The following SCPEP1 variants were observed in gnomAD, a reference collection of about 807,000 sequenced individuals.
The protein encoded by SCPEP1 is retinoid-inducible serine carboxypeptidase.
Under a neutral mutation model 63.8 loss-of-function variants are expected in SCPEP1, and 51 were observed. That is an observed-to-expected ratio of 0.80 (90% confidence interval 0.64 to 1.01). The LOEUF (loss-of-function observed/expected upper bound fraction) is 1.01. Among genes scored for constraint, SCPEP1 ranks in the 50% least tolerant of loss-of-function variants. The probability of loss-of-function intolerance (pLI) is 0.00; values close to 1 mark genes in which losing one functional copy is unlikely to be tolerated. For synonymous variants in SCPEP1, 204 were observed against 207.8 expected (o/e 0.98, Z 0.16); for missense variants, 499 against 554.9 (o/e 0.90, Z 1.01).
In SCPEP1 at chr17:56,998,367, C is replaced by T. The variant is rs775225440; in HGVS notation, c.881-18C>T. On this transcript the variant is annotated intron_variant, in intron 9 of 12. Transcript: ENST00000262288. Reference sequence around the variant, plus strand: ...TACTTCCAGCCCTTTGACTCACTATCTACCAGTTTGGTTTTAGTTTGTCTT... The same window carrying T: ...TACTTCCAGCCCTTTGACTCACTATTTACCAGTTTGGTTTTAGTTTGTCTT... 6.6e-7 allele frequency: 1 copy of T among 1,526,638 alleles called. No individual in the cohort carries two copies. Among genetic ancestry groups the T allele is most frequent in the South Asian group, 1.1e-5 (1 of 89,432 alleles). The allele number at this position is 1,526,638 out of a possible 1,614,324, so 94.6% of individuals were successfully genotyped here.
At chr17:57,001,956 G>A in intron 11 of SCPEP1, 62 bp from the exon 12 acceptor site, 1 of 1,545,760 alleles carries the variant, frequency 6.5e-7, no homozygotes, top group Admixed American at 2.1e-5. Flanking sequence ...TTAGGACCTA[G>A]ACTTTTTTCC....
At chr17:56,992,792 G>A (rs779151146) in intron 6 of SCPEP1, among the ~76,000 whole-genome samples, 2 of 152,136 alleles carry the variant, frequency 1.3e-5, no homozygotes, top group African/African-American at 2.4e-5. Context: ...CAGGCAGCAG[G>A]TACTGGAATC....
At position 56,995,605 on chromosome 17, in the gene SCPEP1, G is replaced by A; in HGVS notation, c.756G>A (p.Leu252=). Residue 252 remains leucine, a synonymous_variant, in exon 8 of 13, where the codon CTG becomes CTA. Transcript: ENST00000262288. ...NKGLYREATE[L]WGKAEMIIEQ... ...GGCTCTACAGAGAGGCCACAGAGCT[G>A]TGGGGGAAAGCAGAAATGATCATTG... The A allele has an allele frequency of 6.2e-7, 1 of 1,614,060 alleles. No individual in the cohort carries two copies. The highest frequency in any genetic ancestry group is 1.3e-5 in the African/African-American group (1 of 75,032).
intron 3 of SCPEP1, 132 bp from the exon 4 acceptor site, chr17:56,987,563 G>A: frequency 1.4e-6 from 1 of 707,838 alleles, no homozygotes; most frequent in Non-Finnish European, 2.1e-6. Context: ...ATCTCTTTTA[G>A]CAACAGGGAT....
At chr17:56,995,658 GGC>G in intron 8 of SCPEP1, 23 bp downstream of exon 8, 1 of 1,611,342 alleles carries the variant, frequency 6.2e-7, no homozygotes, top group Non-Finnish European at 8.5e-7. Flanking sequence ...AACACTCAGA[GGC>G]GAGCCTGCTT....
rs372578237 is a variant in SCPEP1 at position 56,982,215 on chromosome 17, G to A, written c.225+985G>A. Among the ~76,000 whole-genome samples the A allele has an allele frequency of 1.5e-4, 23 of 152,236 alleles. No individual in the cohort carries two copies. In the East Asian group the frequency reaches 3.9e-3, roughly 26 times the overall value. ...CTTGCCTCTGGAAAATGTAGGCATG[G>A]CCCAGCTGGAACCCTGGGCCCCTCA... On this transcript the variant is annotated intron_variant, in intron 2 of 12. Coordinates refer to ENST00000262288, the MANE Select transcript of SCPEP1 (RefSeq NM_021626.3).
chr17:56,981,801 G>A (rs1003016814), intron 2 of SCPEP1, among the ~76,000 whole-genome samples: 1 of 152,158 alleles, frequency 6.6e-6, no homozygotes, highest in Non-Finnish European at 1.5e-5. Flanking sequence ...CAGCCTGGGC[G>A]ACAGAGCAAG....
chr17:56,986,594 A>G (rs1191279312), intron 3 of SCPEP1, among the ~76,000 whole-genome samples: 1 of 148,980 alleles, frequency 6.7e-6, no homozygotes, highest in African/African-American at 2.5e-5. Flanking sequence ...CGCCCAGGCC[A>G]GAGTGCAGTG....
intron 3 of SCPEP1, among the ~76,000 whole-genome samples, chr17:56,985,931 C>T (rs1473153009): frequency 6.6e-6 from 1 of 152,028 alleles, no homozygotes; most frequent in Non-Finnish European, 1.5e-5. Flanking sequence ...CCTTCCCTCA[C>T]CCCTCTGTGG....
chr17:56,988,575 A>G (rs888892607), intron 5 of SCPEP1, among the ~76,000 whole-genome samples: 2 of 152,188 alleles, frequency 1.3e-5, no homozygotes, highest in Middle Eastern at 3.4e-3. Flanking sequence ...AAACACACAC[A>G]CATATATATG....
chr17:57,004,279 G>A (rs1911823710), intron 12 of SCPEP1, among the ~76,000 whole-genome samples: 1 of 152,240 alleles, frequency 6.6e-6, no homozygotes, highest in African/African-American at 2.4e-5. Context: ...GGTCTCAGCT[G>A]CTCTGGAGGC....
Position 56,988,254 on chromosome 17 carries a change from A to C in SCPEP1, c.510A>C (p.Gly170=). Residue 170 remains glycine, a synonymous_variant, in exon 5 of 13, where the codon GGA becomes GGC. Transcript: ENST00000262288. ...ACATTTTCTCAGAGTCCTATGGAGGAAAAATGGCAGCTGGCATTGGTCTAG... is the reference window on the plus strand; with the variant it reads ...ACATTTTCTCAGAGTCCTATGGAGGCAAAATGGCAGCTGGCATTGGTCTAG... ...PFYIFSESYG[G]KMAAGIGLEL... is the part of the protein sequence containing the mutation. 6.2e-7 allele frequency: 1 copy of C among 1,612,374 alleles called. No homozygotes were observed. The highest frequency in any genetic ancestry group is 8.5e-7 in the Non-Finnish European group (1 of 1,178,760).
At chr17:56,999,674 T>G (rs929538350) in intron 10 of SCPEP1, among the ~76,000 whole-genome samples, 1 of 152,116 alleles carries the variant, frequency 6.6e-6, no homozygotes, top group Non-Finnish European at 1.5e-5. Context: ...TGAAGAAAAA[T>G]TAGCTCAAAT....
rs368170950 is a variant in SCPEP1, at chr17:57,001,757, C to T, written c.1133-261C>T. On this transcript the variant is annotated intron_variant, in intron 11 of 12. Coordinates refer to ENST00000262288, the MANE Select transcript of SCPEP1 (RefSeq NM_021626.3). ...AGTTCCCTTCCTAAAGAGCAGATGG[C>T]GGTGAGAGATGCAGAGGCAAAATCA... 1.7e-4 allele frequency among the ~76,000 whole-genome samples: 26 copies of T among 152,238 alleles called. No homozygotes were observed. In the East Asian group the frequency reaches 3.1e-3, roughly 18 times the overall value.
chr17:56,990,468 T>A (rs776174451), intron 5 of SCPEP1, among the ~76,000 whole-genome samples: 4 of 152,236 alleles, frequency 2.6e-5, no homozygotes, highest in African/African-American at 7.2e-5. Flanking sequence ...TGGAGATCAC[T>A]ATAGTTAGCA....
intron 1 of SCPEP1, 118 bp downstream of exon 1, chr17:56,978,353 G>A (rs1252299412): frequency 3.5e-6 from 4 of 1,149,474 alleles, no homozygotes; most frequent in Non-Finnish European, 4.6e-6. Context: ...CTTACCTTGT[G>A]TAATTATATT....
intron 8 of SCPEP1, among the ~76,000 whole-genome samples, chr17:56,996,224 T>C (rs1911554415): frequency 1.3e-5 from 2 of 152,138 alleles, no homozygotes; most frequent in African/African-American, 4.8e-5. Flanking sequence ...TTTATTTATT[T>C]ATTTATTTTT....
At chr17:56,995,709 G>A (rs978390317) in intron 8 of SCPEP1, 74 bp downstream of exon 8, 71 of 1,509,534 alleles carry the variant, frequency 4.7e-5, no homozygotes, top group Non-Finnish European at 6.2e-5. Flanking sequence ...GGTTGGTGTT[G>A]TCAAACTTGG....
chr17:57,006,364 G>A lies in SCPEP1; in HGVS notation c.*129G>A. 1 of 553,836 alleles carries A rather than the reference G, an allele frequency of 1.8e-6. No individual in the cohort carries two copies. Among genetic ancestry groups the A allele is most frequent in the Non-Finnish European group, 3.1e-6 (1 of 326,776 alleles). The allele number at this position is 553,836 out of a possible 1,614,324, so 34.3% of individuals were successfully genotyped here. A position where few individuals can be genotyped will look rare whatever the true frequency, so the allele number is the denominator to read the frequency against. ...GCTGTGATCAAGAAGGTTCTGACCA[G>A]CTTCTGCAGAGGATAAAATCATTGT... On this transcript the variant is annotated 3_prime_UTR_variant, in exon 13 of 13. Coordinates refer to ENST00000262288, the MANE Select transcript of SCPEP1 (RefSeq NM_021626.3).
Sources: gnomAD v4.1 joint callset for allele counts (sites outside exome capture counted in the v4.1 genomes callset) on GRCh38, gnomAD v4.1.1 for gene constraint, MANE v1.5 for transcripts, NCBI Gene and HGNC (gene_info 2026-07-23, HGNC 2026-07-21) for gene names.